Variants in DNAJC6 observed in about 807,000 individuals in gnomAD.
DNAJC6 encodes the protein auxilin.
DNAJC6 carries 34 observed loss-of-function variants against 110.0 expected under a neutral mutation model. The observed-to-expected ratio is 0.31, with a 90% CI of 0.24 to 0.41. DNAJC6 has a LOEUF of 0.41. Ranked by LOEUF, DNAJC6 falls within the 10% of genes least tolerant of loss-of-function variation. The probability of loss-of-function intolerance (pLI) is 1.00; values close to 1 mark genes in which losing one functional copy is unlikely to be tolerated. For synonymous variants in DNAJC6, 406 were observed against 437.2 expected, an observed-to-expected ratio of 0.93 and a Z score of 0.89; for missense variants, 1,031 against 1,207.8, an observed-to-expected ratio of 0.85 and a Z score of 2.17.
chr1:65,389,858 A>G (rs1044372633), intron 11 of DNAJC6, among the ~76,000 whole-genome samples: 5 of 152,128 alleles, frequency 3.3e-5, no homozygotes, highest in Non-Finnish European at 7.4e-5. Flanking sequence ...AAAAAATTTT[A>G]AAAAATTAGG....
chr1:65,371,695 G>A (rs980936968), intron 4 of DNAJC6, among the ~76,000 whole-genome samples: 1 of 152,164 alleles, frequency 6.6e-6, no homozygotes, highest in Non-Finnish European at 1.5e-5. Context: ...CAGCTCTAGC[G>A]ATGATTTGGC....
At chr1:65,353,135 C>A (rs1645507965) in intron 1 of DNAJC6, among the ~76,000 whole-genome samples, 1 of 152,074 alleles carries the variant, frequency 6.6e-6, no homozygotes, top group South Asian at 2.1e-4. Flanking sequence ...ATGTCATAGT[C>A]CATTTTATGC....
chr1:65,412,213 T>C (rs1646135800), intron 18 of DNAJC6, among the ~76,000 whole-genome samples: 2 of 152,236 alleles, frequency 1.3e-5, no homozygotes, highest in Non-Finnish European at 2.9e-5. Flanking sequence ...TATGTTTTCA[T>C]TGAAGTATAT....
At chr1:65,283,175 T>C (rs1222406855) in intron 1 of DNAJC6, among the ~76,000 whole-genome samples, 23 of 152,210 alleles carry the variant, frequency 1.5e-4, no homozygotes, top group Admixed American at 1.4e-3. Flanking sequence ...AGTTTATGTG[T>C]GTGTGTTTAT....
At chr1:65,303,558 TCTC>T (rs1645009715) in intron 1 of DNAJC6, among the ~76,000 whole-genome samples, 1 of 110,500 alleles carries the variant, frequency 9.0e-6, no homozygotes, top group African/African-American at 3.8e-5. Context: ...CATTTGATTC[TCTC>T]TTCTTTTTTT....
Position 65,364,756 on chromosome 1 carries a change from ATCT to A in DNAJC6, c.319_321del (p.Ser107del). ...ACTTGAAAGACACCCTCAAAGACAC[ATCT>A]TCTAGAGTGATACAATCTGTGACCA... On this transcript the variant is annotated inframe_deletion, in exon 2 of 19. Coordinates refer to ENST00000371069, the MANE Select transcript of DNAJC6 (RefSeq NM_001256864.2). 1 of 1,613,286 alleles carries A rather than the reference ATCT, an allele frequency of 6.2e-7. No homozygotes were observed. Among genetic ancestry groups the A allele is most frequent in the Non-Finnish European group, 8.5e-7 (1 of 1,179,456 alleles).
At chr1:65,314,452 A>G (rs1391335117) in intron 1 of DNAJC6, among the ~76,000 whole-genome samples, 1 of 152,134 alleles carries the variant, frequency 6.6e-6, no homozygotes, top group Non-Finnish European at 1.5e-5. Flanking sequence ...AGGGTCTTGT[A>G]GGTTGGAGGC....
In DNAJC6 at chr1:65,315,622, T is replaced by G. The variant is rs535322395; in HGVS notation, c.193+5684T>G. On this transcript the variant is annotated intron_variant, in intron 1 of 18. Transcript: ENST00000371069. Reference sequence around the variant, plus strand: ...AATAATGCTTAATGACAAAAATAGCTACAATTTAATTATTATAATTCAGGG... The same window carrying G: ...AATAATGCTTAATGACAAAAATAGCGACAATTTAATTATTATAATTCAGGG... Among the ~76,000 whole-genome samples the G allele has an allele frequency of 4.6e-5, 7 of 152,182 alleles. No individual in the cohort carries two copies. In the South Asian group the frequency reaches 1.4e-3, roughly 32 times the overall value.
chr1:65,384,292 C>T lies in DNAJC6; in HGVS notation c.766C>T (p.Arg256Ter), dbSNP rs745630837. ...GPAIRLLYAK[R>*]PGIGLSPSHR... ...AGCCATTCGATTGCTATATGCAAAG[C>T]GACCAGGAATTGGACTTTCACCATC... The change falls in exon 6 of 19, where the codon CGA becomes TGA. Residue 256 changes from arginine (R) to a stop codon, truncating the protein, a stop_gained. Transcript: ENST00000371069. LOFTEE classifies it high-confidence loss of function. 5 of 1,580,126 alleles carry T rather than the reference C, an allele frequency of 3.2e-6. No homozygotes were observed. The highest frequency in any genetic ancestry group is 3.4e-6 in the Non-Finnish European group (4 of 1,165,534).
chr1:65,368,562 T>A (rs1645671238), intron 4 of DNAJC6, among the ~76,000 whole-genome samples: 1 of 148,674 alleles, frequency 6.7e-6, no homozygotes, highest in Non-Finnish European at 1.5e-5. Context: ...CCTTCCTTCC[T>A]TCCTTCTTTC....
Position 65,366,138 on chromosome 1 carries a change from A to T in DNAJC6, c.485A>T (p.His162Leu). 1 of 1,613,874 alleles carries T rather than the reference A, an allele frequency of 6.2e-7. No individual in the cohort carries two copies. The highest frequency in any genetic ancestry group is 8.5e-7 in the Non-Finnish European group (1 of 1,179,826). ...TTTTTGGATTCCAGACATCTTGACC[A>T]CTACACAGTATACAATCTGTCACCT... is the stretch of plus-strand genomic sequence containing the variant. ...RSFLDSRHLD[H>L]YTVYNLSPKS... The change falls in exon 4 of 19, where the codon CAC becomes CTC. Residue 162 changes from histidine (H) to leucine (L), a missense_variant. Transcript: ENST00000371069.
intron 1 of DNAJC6, among the ~76,000 whole-genome samples, chr1:65,286,495 C>T (rs186133802): frequency 1.3e-5 from 2 of 152,270 alleles, no homozygotes; most frequent in African/African-American, 4.8e-5. Flanking sequence ...AGTCCTCCTG[C>T]TTCAGCCTCC....
intron 4 of DNAJC6, 113 bp downstream of exon 4, chr1:65,366,309 ACTCTG>A: frequency 9.0e-7 from 1 of 1,111,374 alleles, no homozygotes; most frequent in Non-Finnish European, 1.3e-6. Context: ...AAAACTATAC[ACTCTG>A]GACACTTCTG....
chr1:65,325,345 A>G (rs1645232804), intron 1 of DNAJC6, among the ~76,000 whole-genome samples: 1 of 152,212 alleles, frequency 6.6e-6, no homozygotes, highest in Non-Finnish European at 1.5e-5. Flanking sequence ...AGAAGACAGT[A>G]TATTATTGTG....
intron 5 of DNAJC6, among the ~76,000 whole-genome samples, chr1:65,383,079 A>G (rs1478486921): frequency 2.0e-5 from 3 of 152,236 alleles, no homozygotes; most frequent in African/African-American, 4.8e-5. Flanking sequence ...AGTCAACTCA[A>G]CATATTCAGT....
At chr1:65,393,001 T>G in intron 12 of DNAJC6, 136 bp downstream of exon 12, 1 of 781,214 alleles carries the variant, frequency 1.3e-6, no homozygotes, top group Non-Finnish European at 1.8e-6. Context: ...GTCTGTATCT[T>G]TATTTAAATT....
chr1:65,352,007 C>T (rs1213450712), intron 1 of DNAJC6, among the ~76,000 whole-genome samples: 1 of 152,152 alleles, frequency 6.6e-6, no homozygotes, highest in Non-Finnish European at 1.5e-5. Context: ...TTCAGGTGAT[C>T]CACCCGCCTC....
intron 1 of DNAJC6, chr1:65,345,807 C>A: frequency 2.6e-6 from 1 of 378,160 alleles, no homozygotes; most frequent in African/African-American, 2.2e-5. Context: ...CCATGTCTGG[C>A]CAACCAAGCA....
intron 1 of DNAJC6, among the ~76,000 whole-genome samples, chr1:65,335,697 G>A (rs956706754): frequency 1.3e-5 from 2 of 152,188 alleles, no homozygotes; most frequent in African/African-American, 4.8e-5. Context: ...CAAAGACGCA[G>A]GGAGAAAGGT....
Sources: gnomAD v4.1 joint callset for allele counts (sites outside exome capture counted in the v4.1 genomes callset) on GRCh38, gnomAD v4.1.1 for gene constraint, MANE v1.5 for transcripts, NCBI Gene and HGNC (gene_info 2026-07-23, HGNC 2026-07-21) for gene names.